The following NDUFS7 variants were observed in gnomAD, a reference collection of about 807,000 sequenced individuals.
The protein encoded by NDUFS7 is NADH dehydrogenase [ubiquinone] iron-sulfur protein 7, mitochondrial.
Under a neutral mutation model 31.1 loss-of-function variants are expected in NDUFS7, and 11 were observed. That is an observed-to-expected ratio of 0.35 (90% confidence interval 0.22 to 0.59). The LOEUF is 0.59. Among genes scored for constraint, NDUFS7 ranks in the 20% least tolerant of loss-of-function variants. The pLI is 0.79. For missense variants in NDUFS7, 263 were observed against 324.2 expected, an observed-to-expected ratio of 0.81 and a Z score of 1.45; for synonymous variants, 136 against 127.9, an observed-to-expected ratio of 1.06 and a Z score of -0.43.
chr19:1,389,966 C>T (rs372431865), intron 4 of NDUFS7: 31 of 177,388 alleles, frequency 1.7e-4, no homozygotes, highest in Middle Eastern at 2.7e-3. Flanking sequence ...TGCAGTGGTG[C>T]GATCTCGGCT....
In NDUFS7 at chr19:1,393,640, C is replaced by A. The variant is rs769788983; in HGVS notation, c.544+310C>A. On this transcript the variant is annotated intron_variant, in intron 7 of 7. Coordinates refer to ENST00000233627, the MANE Select transcript of NDUFS7 (RefSeq NM_024407.5). This position sits in a 1 kb window ranked among gnomAD's most constrained non-coding sequence, Gnocchi z 7.3. Reference sequence around the variant, plus strand: ...AACCAAAGACCTGCAGTTAGAAATACCAAGCGAGAAGGTTCCTGGGGGCCA... The same window carrying A: ...AACCAAAGACCTGCAGTTAGAAATAACAAGCGAGAAGGTTCCTGGGGGCCA... 2.3e-4 allele frequency: 137 copies of A among 598,338 alleles called. No individual in the cohort carries two copies. Among genetic ancestry groups the A allele is most frequent in the Non-Finnish European group, 3.7e-4 (125 of 334,722 alleles). 37.1% of individuals were successfully genotyped at this position (598,338 alleles called of 1,614,324 possible). A position where few individuals can be genotyped will look rare whatever the true frequency, so the allele number is the denominator to read the frequency against.
At chr19:1,386,485 C>G (rs562253812) in intron 1 of NDUFS7, 1 of 150,282 alleles carries the variant, frequency 6.7e-6, no homozygotes, top group Admixed American at 6.7e-5. Context: ...ACCTCACTGT[C>G]CTTTATAATG....
chr19:1,388,709 A>C, intron 3 of NDUFS7, 116 bp downstream of exon 3: 1 of 1,413,536 alleles, frequency 7.1e-7, no homozygotes, highest in Non-Finnish European at 9.8e-7. Context: ...GGAGGGGGTC[A>C]CACATCCCAG....
Position 1,390,831 on chromosome 19 carries a change from G to T in NDUFS7, c.229-40G>T, listed in dbSNP as rs185669286. On this transcript the variant is annotated intron_variant, in intron 4 of 7. Coordinates refer to ENST00000233627, the MANE Select transcript of NDUFS7 (RefSeq NM_024407.5). Reference sequence around the variant, plus strand: ...GGAGTCTCACGCTGGGCCACGCGGGGCTCCGGGGGTGGCGTCTGACCCGAG... The same window carrying T: ...GGAGTCTCACGCTGGGCCACGCGGGTCTCCGGGGGTGGCGTCTGACCCGAG... 10 of 1,596,922 alleles carry T rather than the reference G, an allele frequency of 6.3e-6. 1 individual carries two copies. The South Asian group carries it at 1.1e-4, about 18-fold the overall frequency.
chr19:1,395,454 G>A lies in NDUFS7; in HGVS notation c.608G>A (p.Arg203Gln), dbSNP rs772489745. Residue 203 changes from arginine (R) to glutamine (Q), a missense_variant, in exon 8 of 8, where the codon CGG becomes CAG. Transcript: ENST00000233627. ...GILQLQRKIK[R>Q]ERRLQIWYRR ...CTGCAGCTGCAGAGGAAGATCAAGC[G>A]GGAGCGGAGGCTGCAGATCTGGTAC... 3 of 1,598,194 alleles carry A rather than the reference G, an allele frequency of 1.9e-6. No individual in the cohort carries two copies. The highest frequency in any genetic ancestry group is 1.3e-5 in the African/African-American group (1 of 74,994).
At chr19:1,389,577 G>A (rs1314892700) in intron 4 of NDUFS7, 1 of 450,232 alleles carries the variant, frequency 2.2e-6, no homozygotes, top group Admixed American at 2.4e-5. Context: ...TCTCTTTTAA[G>A]GTGAAAGCAG....
At chr19:1,389,266 T>TGCACAC (rs1568990130) in intron 4 of NDUFS7, 2 of 614,986 alleles carry the variant, frequency 3.3e-6, no homozygotes, top group African/African-American at 3.6e-5. Context: ...CATATACACA[T>TGCACAC]GCACACGCAC....
At position 1,395,554 on chromosome 19, in the gene NDUFS7, T is replaced by C. The variant is rs2082592138; in HGVS notation, c.*66T>C. On this transcript the variant is annotated 3_prime_UTR_variant, in exon 8 of 8. Transcript: ENST00000233627. ...CCCAGCCTGCTTGTGTCCCGTGAGG[T>C]TGTCAATAAACCTGCCCTCGGGCTG... 4 of 1,532,988 alleles carry C rather than the reference T, an allele frequency of 2.6e-6. No individual in the cohort carries two copies. In the Middle Eastern group the frequency reaches 5.0e-4, roughly 193 times the overall value. The allele number at this position is 1,532,988 out of a possible 1,614,324, so 95.0% of individuals were successfully genotyped here.
Position 1,395,572 on chromosome 19 carries a change from T to C in NDUFS7, c.*84T>C. The C allele has an allele frequency of 6.8e-7, 1 of 1,464,458 alleles. No homozygotes were observed. 90.7% of individuals were successfully genotyped at this position (1,464,458 alleles called of 1,614,324 possible). On this transcript the variant is annotated 3_prime_UTR_variant, in exon 8 of 8. Transcript: ENST00000233627. ...CGTGAGGTTGTCAATAAACCTGCCC[T>C]CGGGCTGCCGCCTCCCAGTGTGGTG...
intron 7 of NDUFS7, chr19:1,394,736 C>T (rs928331371): frequency 2.5e-6 from 3 of 1,188,634 alleles, no homozygotes; most frequent in African/African-American, 3.2e-5. Context: ...CCTGGACTTG[C>T]CAGAGCTCTG....
rs370098426 is a variant in NDUFS7 at position 1,391,231 on chromosome 19, A to G, written c.455+66A>G. ...TGAGTGCTGGCCTGGCCGTGCCCTG[A>G]TGGCGCTTATCAAAAGTGTCATCTA... On this transcript the variant is annotated intron_variant, in intron 6 of 7. Transcript: ENST00000233627. 9,826 of 1,561,254 alleles carry G rather than the reference A, an allele frequency of 6.3e-3. 55 individuals carry two copies. The highest frequency in any genetic ancestry group is 6.8e-3 in the Non-Finnish European group (7,814 of 1,146,776).
intron 2 of NDUFS7, chr19:1,388,078 C>T (rs549360791): frequency 1.1e-4 from 67 of 628,772 alleles, no homozygotes; most frequent in African/African-American, 9.9e-4. Context: ...CCTGTGGGCC[C>T]GGCTCAGTGC....
chr19:1,388,404 G>A (rs995482957), intron 2 of NDUFS7, 121 bp from the exon 3 acceptor site: 134 of 939,468 alleles, frequency 1.4e-4, no homozygotes, highest in Admixed American at 1.2e-3. Context: ...CCCAAGTGTT[G>A]ACAGGCAGAG....
intron 1 of NDUFS7, among the ~76,000 whole-genome samples, chr19:1,387,550 G>C (rs2082515578): frequency 6.6e-6 from 1 of 152,232 alleles, no homozygotes; most frequent in Non-Finnish European, 1.5e-5. Flanking sequence ...GCGCAGGAAA[G>C]CGGCAGGTGC....
intron 1 of NDUFS7, 171 bp downstream of exon 1, chr19:1,384,113 C>A: frequency 1.4e-6 from 1 of 704,306 alleles, no homozygotes; most frequent in South Asian, 2.1e-5. Flanking sequence ...GATGAACGGT[C>A]GCCGTTATTG....
In NDUFS7 at chr19:1,393,719, G is replaced by A; in HGVS notation, c.544+389G>A. The A allele has an allele frequency of 1.8e-6, 1 of 545,056 alleles. No homozygotes were observed. Among genetic ancestry groups the A allele is most frequent in the Non-Finnish European group, 3.3e-6 (1 of 304,176 alleles). 33.8% of individuals were successfully genotyped at this position (545,056 alleles called of 1,614,324 possible). ...CAGAAGGGCACGCAGGACTCCCTGG[G>A]ACCCGGGGTGGCCGGATTTGGCAAA... On this transcript the variant is annotated intron_variant, in intron 7 of 7. Coordinates refer to ENST00000233627, the MANE Select transcript of NDUFS7 (RefSeq NM_024407.5). This position sits in a 1 kb window ranked among gnomAD's most constrained non-coding sequence, Gnocchi z 7.3.
chr19:1,389,883 G>C (rs1694492401), intron 4 of NDUFS7: 1 of 212,656 alleles, frequency 4.7e-6, no homozygotes, highest in African/African-American at 2.4e-5. Context: ...ATGCAGGATA[G>C]TTCTTTTCTT....
At chr19:1,387,618 T>G in intron 1 of NDUFS7, 193 bp from the exon 2 acceptor site, 1 of 610,192 alleles carries the variant, frequency 1.6e-6, no homozygotes, top group Non-Finnish European at 3.0e-6. Flanking sequence ...TCCGGGGCCA[T>G]GCAGTCTCAA....
At chr19:1,386,595 C>G (rs2082508846) in intron 1 of NDUFS7, 1 of 152,248 alleles carries the variant, frequency 6.6e-6, no homozygotes. Flanking sequence ...CTCCCGGGTT[C>G]AAGTGATTCT....
Sources: allele counts gnomAD v4.1 joint callset (sites outside exome capture counted in the v4.1 genomes callset), GRCh38; gene constraint gnomAD v4.1.1; non-coding constraint Gnocchi (gnomAD v3.1); transcripts MANE v1.5; gene names NCBI Gene and HGNC (gene_info 2026-07-23, HGNC 2026-07-21).